LRRC4B: variants seen among roughly 807,000 people sequenced by gnomAD.
LRRC4B encodes leucine-rich repeat-containing protein 4B.
LRRC4B carries 1 observed loss-of-function variant against 7.3 expected under a neutral mutation model. The ratio of observed to expected loss-of-function variants is 0.14; its 90% CI spans 0.05 to 0.65. The LOEUF (loss-of-function observed/expected upper bound fraction) is 0.65, where lower values mean the gene tolerates loss of function less well. Among genes scored for constraint, LRRC4B ranks in the 30% least tolerant of loss-of-function variants. The pLI, the probability that LRRC4B is intolerant of heterozygous loss-of-function variation, is 0.84. For missense variants in LRRC4B, 730 were observed against 1,041.6 expected (o/e 0.70, Z 4.12); for synonymous variants, 500 against 499.2 (o/e 1.00, Z -0.02).
At chr19:50,564,208 A>G (rs1982556165) in intron 1 of LRRC4B, among the ~76,000 whole-genome samples, 1 of 152,198 alleles carries the variant, frequency 6.6e-6, no homozygotes, top group Admixed American at 6.5e-5. Flanking sequence ...CAGGGGGAAG[A>G]CGATTCCAAA....
chr19:50,562,940 A>G lies in LRRC4B; in HGVS notation c.-36+5004T>C, dbSNP rs575802733. ...TTTTTGGTAGAGACGGGGTTTCACC[A>G]TGTTGGCCAGGCTGGTCTCAAACTC... is the stretch of plus-strand genomic sequence containing the variant. On this transcript the variant is annotated intron_variant, in intron 1 of 2. Transcript: ENST00000652263. 4.8e-3 allele frequency among the ~76,000 whole-genome samples: 722 copies of G among 151,906 alleles called. 1 individual carries two copies. Among genetic ancestry groups the G allele is most frequent in the Non-Finnish European group, 6.4e-3 (434 of 67,934 alleles).
chr19:50,538,406 C>A (rs1460009082), intron 2 of LRRC4B, among the ~76,000 whole-genome samples: 4 of 152,060 alleles, frequency 2.6e-5, no homozygotes, highest in African/African-American at 9.7e-5. Context: ...TGGGAAAAGT[C>A]TGTCCAATCA....
chr19:50,548,499 G>T lies in LRRC4B; in HGVS notation c.297+43C>A, dbSNP rs754645524. 1.2e-4 allele frequency: 187 copies of T among 1,556,378 alleles called. 1 individual carries two copies. The highest frequency in any genetic ancestry group is 1.5e-4 in the Non-Finnish European group (173 of 1,158,420). The stretch of plus-strand genomic sequence containing the variant: ...TGGGCTACATCTGCATGCCTCCCCA[G>T]TGTCCCCTCCAAGGTCCCCCTCTGC... On this transcript the variant is annotated intron_variant, in intron 2 of 2. Coordinates refer to ENST00000652263, the MANE Select transcript of LRRC4B (RefSeq NM_001080457.2). The surrounding 1 kb of genome is among the most constrained non-coding windows in gnomAD (Gnocchi z 6.8).
At chr19:50,554,178 G>C (rs1599783846) in intron 1 of LRRC4B, among the ~76,000 whole-genome samples, 1 of 151,970 alleles carries the variant, frequency 6.6e-6, no homozygotes, top group East Asian at 1.9e-4. Context: ...TTTTAAGTTA[G>C]AATCGGGGGT....
At chr19:50,532,206 A>G (rs1158925596) in intron 2 of LRRC4B, among the ~76,000 whole-genome samples, 1 of 152,196 alleles carries the variant, frequency 6.6e-6, no homozygotes, top group Non-Finnish European at 1.5e-5. Flanking sequence ...ACTGCACTCC[A>G]GCCTGGGTGA....
chr19:50,517,038 C>G lies in LRRC4B; in HGVS notation c.*533G>C, dbSNP rs997105258. The G allele has an allele frequency of 7.2e-5, 11 of 152,124 alleles. No individual in the cohort carries two copies. The highest frequency in any genetic ancestry group is 2.4e-4 in the African/African-American group (10 of 41,508). The allele number at this position is 152,124 out of a possible 1,614,324, so 9.4% of individuals were successfully genotyped here. On this transcript the variant is annotated 3_prime_UTR_variant, in exon 3 of 3. Coordinates refer to ENST00000652263, the MANE Select transcript of LRRC4B (RefSeq NM_001080457.2). The surrounding 1 kb of genome is among the most constrained non-coding windows in gnomAD (Gnocchi z 6.6). ...GGGCTGGGGCGGGTGGAGGCTCCCC[C>G]CCGCGCCGACGACAGGGACCGCCGG...
chr19:50,527,392 T>C (rs1980860047), intron 2 of LRRC4B, among the ~76,000 whole-genome samples: 1 of 147,886 alleles, frequency 6.8e-6, no homozygotes, highest in Non-Finnish European at 1.5e-5. Flanking sequence ...TTCACCATGT[T>C]GGCCAGGTGG....
chr19:50,536,512 G>A (rs1051632630), intron 2 of LRRC4B, among the ~76,000 whole-genome samples: 8 of 152,158 alleles, frequency 5.3e-5, no homozygotes, highest in African/African-American at 1.7e-4. Flanking sequence ...CCTGCTCTCT[G>A]GGCCTCGGGT....
Position 50,554,194 on chromosome 19 carries a change from C to T in LRRC4B, c.-35-5321G>A, listed in dbSNP as rs567550844. Among the ~76,000 whole-genome samples, 255 of 152,124 alleles carry T rather than the reference C, an allele frequency of 1.7e-3. 3 individuals carry two copies. Among genetic ancestry groups the T allele is most frequent in the African/African-American group, 5.8e-3 (239 of 41,502 alleles). On this transcript the variant is annotated intron_variant, in intron 1 of 2. Transcript: ENST00000652263. ...TTTAAGTTAGAATCGGGGGTTTCAC[C>T]ATGTGGGCCAGGCTGGTCTTGAACT... is the stretch of plus-strand genomic sequence containing the variant.
rs542617070 is a variant in LRRC4B, at chr19:50,565,753, C to A, written c.-36+2191G>T. ...CAGGCACCCCGCGGGTCTGTCCCAC[C>A]CTCCCTGAGTCTGTGGCTCCCTGCG... On this transcript the variant is annotated intron_variant, in intron 1 of 2. Coordinates refer to ENST00000652263, the MANE Select transcript of LRRC4B (RefSeq NM_001080457.2). 2.0e-5 allele frequency among the ~76,000 whole-genome samples: 3 copies of A among 151,966 alleles called. No homozygotes were observed. The South Asian group carries it at 6.3e-4, about 32-fold the overall frequency.
At chr19:50,530,242 T>A (rs1054030662) in intron 2 of LRRC4B, among the ~76,000 whole-genome samples, 6 of 152,070 alleles carry the variant, frequency 3.9e-5, no homozygotes, top group Non-Finnish European at 1.5e-5. Flanking sequence ...GCCTCTGCCC[T>A]CCTCTAGACG....
rs1329564096 is a variant in LRRC4B, at chr19:50,518,726, C to T, written c.987G>A (p.Thr329=). The T allele has an allele frequency of 5.6e-6, 9 of 1,613,980 alleles. No individual in the cohort carries two copies. The highest frequency in any genetic ancestry group is 2.2e-5 in the East Asian group (1 of 44,874). The change falls in exon 3 of 3, where the codon ACG becomes ACA. Residue 329 remains threonine (T), a synonymous_variant. Transcript: ENST00000652263. The part of the protein sequence containing the change: ...VLWLSWWLKE[T]VPSNTTCCAR... ...CGCAGCACGTCGTGTTGCTGGGCAC[C>T]GTCTCCTTGAGCCACCAGCTCAGCC...
rs541082045 is a variant in LRRC4B at position 50,559,682 on chromosome 19, C to T, written c.-36+8262G>A. On this transcript the variant is annotated intron_variant, in intron 1 of 2. Transcript: ENST00000652263. ...TCATAGGGGTCCTGCCTAGGAAGGA[C>T]GCTGATCCGATCTGTTTTCTCTCAC... Among the ~76,000 whole-genome samples the T allele has an allele frequency of 2.6e-4, 40 of 152,352 alleles. No homozygotes were observed. The South Asian group carries it at 7.7e-3, about 29-fold the overall frequency.
At position 50,563,390 on chromosome 19, in the gene LRRC4B, T is replaced by G. The variant is rs1399617117; in HGVS notation, c.-36+4554A>C. On this transcript the variant is annotated intron_variant, in intron 1 of 2. Coordinates refer to ENST00000652263, the MANE Select transcript of LRRC4B (RefSeq NM_001080457.2). The surrounding 1 kb of genome is among the most constrained non-coding windows in gnomAD (Gnocchi z 4.9). ...AAAGGGTCTCCAAACTCAGAGTTAA[T>G]GAGGTTTCCCGTACCCCACCAGAGA... Among the ~76,000 whole-genome samples the G allele has an allele frequency of 6.6e-6, 1 of 152,094 alleles. No individual in the cohort carries two copies. The highest frequency in any genetic ancestry group is 6.5e-5 in the Admixed American group (1 of 15,280).
chr19:50,561,220 G>A lies in LRRC4B; in HGVS notation c.-36+6724C>T, dbSNP rs146788583. Among the ~76,000 whole-genome samples, 457 of 152,228 alleles carry A rather than the reference G, an allele frequency of 3.0e-3. 1 individual carries two copies. Among genetic ancestry groups the A allele is most frequent in the Non-Finnish European group, 4.8e-3 (326 of 68,016 alleles). On this transcript the variant is annotated intron_variant, in intron 1 of 2. Transcript: ENST00000652263. ...ATTGTAAATCCAGCATTTCTGGCTG[G>A]ATCAAAACCACTCATCTGTCAAGGA...
Position 50,563,546 on chromosome 19 carries a change from C to T in LRRC4B, c.-36+4398G>A, listed in dbSNP as rs1338144583. 1.3e-5 allele frequency among the ~76,000 whole-genome samples: 2 copies of T among 152,168 alleles called. No individual in the cohort carries two copies. The highest frequency in any genetic ancestry group is 4.8e-5 in the African/African-American group (2 of 41,434). ...CTATCTGGAGGTGAGGCCCTCCCTCCAGAAACAGCGTCCGCATCCCAGGTC... is the reference window on the plus strand; with the variant it reads ...CTATCTGGAGGTGAGGCCCTCCCTCTAGAAACAGCGTCCGCATCCCAGGTC... On this transcript the variant is annotated intron_variant, in intron 1 of 2. Coordinates refer to ENST00000652263, the MANE Select transcript of LRRC4B (RefSeq NM_001080457.2). This position sits in a 1 kb window ranked among gnomAD's most constrained non-coding sequence, Gnocchi z 4.9.
rs1456260893 is a variant in LRRC4B at position 50,548,111 on chromosome 19, C to T, written c.297+431G>A. Among the ~76,000 whole-genome samples, 2 of 152,200 alleles carry T rather than the reference C, an allele frequency of 1.3e-5. No homozygotes were observed. Among genetic ancestry groups the T allele is most frequent in the Admixed American group, 1.3e-4 (2 of 15,286 alleles). ...CCTCAACGCAGGGGCTTGCATTGTC[C>T]CCGCTTTTCAGATGAAGAAACTGAG... is the stretch of plus-strand genomic sequence containing the variant. On this transcript the variant is annotated intron_variant, in intron 2 of 2. Coordinates refer to ENST00000652263, the MANE Select transcript of LRRC4B (RefSeq NM_001080457.2). This position sits in a 1 kb window ranked among gnomAD's most constrained non-coding sequence, Gnocchi z 6.8.
At chr19:50,550,177 C>A (rs1334819855) in intron 1 of LRRC4B, among the ~76,000 whole-genome samples, 1 of 152,146 alleles carries the variant, frequency 6.6e-6, no homozygotes, top group Non-Finnish European at 1.5e-5. Context: ...GACACTGAGG[C>A]ACTATGAGGG....
At chr19:50,521,803 G>A (rs1012145748) in intron 2 of LRRC4B, among the ~76,000 whole-genome samples, 9 of 151,348 alleles carry the variant, frequency 5.9e-5, no homozygotes, top group South Asian at 2.1e-4. Context: ...GAAGTGATCT[G>A]CCTGCCTTGG....
Sources: allele counts gnomAD v4.1 joint callset (sites outside exome capture counted in the v4.1 genomes callset), GRCh38; gene constraint gnomAD v4.1.1; non-coding constraint Gnocchi (gnomAD v3.1); transcripts MANE v1.5; gene names NCBI Gene and HGNC (gene_info 2026-07-23, HGNC 2026-07-21).